Variants in ABCA1 observed in about 807,000 individuals in gnomAD.
The protein encoded by ABCA1 is ATP binding cassette subfamily A member 1.
Under a neutral mutation model 262.5 loss-of-function variants are expected in ABCA1, and 133 were observed. The observed-to-expected ratio is 0.51, with a 90% CI of 0.44 to 0.59. ABCA1 has a LOEUF of 0.59. ABCA1 is among the 20% of genes least tolerant of loss of function. The pLI is 0.00. For synonymous variants in ABCA1, 1,022 were observed against 1,043.5 expected, an observed-to-expected ratio of 0.98 and a Z score of 0.40; for missense variants, 2,452 against 2,777.5, an observed-to-expected ratio of 0.88 and a Z score of 2.63.
intron 29 of ABCA1, among the ~76,000 whole-genome samples, chr9:104,810,146 A>G (rs1163845315): frequency 1.9e-5 from 2 of 105,346 alleles, no homozygotes; most frequent in Admixed American, 1.6e-4. Flanking sequence ...CATTACATAT[A>G]TATATATATA....
At chr9:104,893,650 C>G (rs1477168644) in intron 2 of ABCA1, among the ~76,000 whole-genome samples, 1 of 152,004 alleles carries the variant, frequency 6.6e-6, no homozygotes, top group Non-Finnish European at 1.5e-5. Flanking sequence ...CTCAGGACAA[C>G]CCTGTGAGAT....
chr9:104,801,875 C>T (rs1014526392), intron 34 of ABCA1, among the ~76,000 whole-genome samples, 179 bp downstream of exon 34: 4 of 152,198 alleles, frequency 2.6e-5, no homozygotes, highest in African/African-American at 9.7e-5. Flanking sequence ...CACTTTTAAA[C>T]GTACAACTAA....
chr9:104,835,052 A>G (rs1833689139), intron 11 of ABCA1, among the ~76,000 whole-genome samples: 1 of 152,124 alleles, frequency 6.6e-6, no homozygotes, highest in Admixed American at 6.5e-5. Flanking sequence ...AGTTCATTCC[A>G]GCCCGACCAA....
chr9:104,816,036 A>T, intron 25 of ABCA1, 107 bp downstream of exon 25: 1 of 1,268,920 alleles, frequency 7.9e-7, no homozygotes. Flanking sequence ...TGACCTAAAA[A>T]CTCAATGACT....
intron 15 of ABCA1, among the ~76,000 whole-genome samples, chr9:104,828,683 C>T (rs1428290887): frequency 6.6e-6 from 1 of 152,194 alleles, no homozygotes; most frequent in Non-Finnish European, 1.5e-5. Flanking sequence ...AAAGCATGAA[C>T]CCTGCACTCT....
chr9:104,855,197 T>A, intron 7 of ABCA1: 1 of 981,792 alleles, frequency 1.0e-6, no homozygotes, highest in Non-Finnish European at 1.2e-6. Flanking sequence ...AAAACTTCTA[T>A]CTTTTTTTTC....
At position 104,826,821 on chromosome 9, in the gene ABCA1, A is replaced by G. The variant is rs1391578099; in HGVS notation, c.2337+127T>C. 9.1e-6 allele frequency: 8 copies of G among 874,936 alleles called. No homozygotes were observed. The Admixed American group carries it at 1.6e-4, about 17-fold the overall frequency. 54.2% of individuals were successfully genotyped at this position (874,936 alleles called of 1,614,324 possible). On this transcript the variant is annotated intron_variant, in intron 16 of 49. Coordinates refer to ENST00000374736, the MANE Select transcript of ABCA1 (RefSeq NM_005502.4). ...CTTACCCTTAAAGAGCTTAGAATCTAGAGCTAAGGTTCATGTCCCATTGGA... is the reference window on the plus strand; with the variant it reads ...CTTACCCTTAAAGAGCTTAGAATCTGGAGCTAAGGTTCATGTCCCATTGGA...
intron 33 of ABCA1, among the ~76,000 whole-genome samples, chr9:104,802,734 T>C (rs1413212485): frequency 6.6e-6 from 1 of 152,218 alleles, no homozygotes; most frequent in African/African-American, 2.4e-5. Context: ...ATGGACAAAC[T>C]GGCTTCAAGA....
chr9:104,858,464 G>C, intron 7 of ABCA1, 58 bp downstream of exon 7: 7 of 1,549,790 alleles, frequency 4.5e-6, no homozygotes, highest in Non-Finnish European at 6.2e-6. Flanking sequence ...CCAAGGAAAA[G>C]CCTCACATTC....
At chr9:104,902,472 T>C (rs569646232) in intron 2 of ABCA1, among the ~76,000 whole-genome samples, 31 of 152,204 alleles carry the variant, frequency 2.0e-4, no homozygotes, top group Non-Finnish European at 2.9e-4. Context: ...AACTTATAAT[T>C]TGGTTTCAGT....
rs1839480494 is a variant in ABCA1 at position 104,889,169 on chromosome 9, C to A, written c.93G>T (p.Trp31Cys). The part of the protein sequence containing the change: ...QTCQLLLEVA[W>C]PLFIFLILIS... ...TCAGGATCAGGAAGATAAATAGAGG[C>A]CAGGCCACTTCCAGCAGCAGCTGAC... The change falls in exon 3 of 50, where the codon TGG becomes TGT. Residue 31 changes from tryptophan to cysteine, a missense_variant. By Grantham distance (215) the Trp-to-Cys change is radical. Around this residue, in one of 4 missense-constraint regions of ABCA1, gnomAD observed 1,032 missense variants for 1,089.7 expected, o/e 0.95. Coordinates refer to ENST00000374736, the MANE Select transcript of ABCA1 (RefSeq NM_005502.4). 6.2e-7 allele frequency: 1 copy of A among 1,613,990 alleles called. No individual in the cohort carries two copies. The highest frequency in any genetic ancestry group is 1.7e-5 in the Admixed American group (1 of 59,996).
At chr9:104,847,334 G>A (rs931397941) in intron 7 of ABCA1, among the ~76,000 whole-genome samples, 4 of 152,048 alleles carry the variant, frequency 2.6e-5, no homozygotes, top group African/African-American at 7.3e-5. Flanking sequence ...CCATTTTCTC[G>A]ACTATGCAGC....
In ABCA1 at chr9:104,786,899, C is replaced by T; in HGVS notation, c.6282G>A (p.Gly2094=). The T allele has an allele frequency of 3.1e-6, 5 of 1,614,036 alleles. No individual in the cohort carries two copies. Among genetic ancestry groups the T allele is most frequent in the Non-Finnish European group, 4.2e-6 (5 of 1,179,948 alleles). The change falls in exon 47 of 50, where the codon GGG becomes GGA. Residue 2094 remains glycine, a synonymous_variant. Transcript: ENST00000374736. The part of the protein sequence containing the change: ...WNCALSVVKE[G]RSVVLTSHSM... ...TATGAGATGTAAGCACTACTGATCT[C>T]CCCTCCTTGACAACACTTAGGGCAC...
chr9:104,806,208 C>A (rs774263034), intron 31 of ABCA1, 33 bp downstream of exon 31: 1 of 1,608,518 alleles, frequency 6.2e-7, no homozygotes. Context: ...TCCTGCACCC[C>A]TTCTGCCCAA....
chr9:104,812,665 T>C lies in ABCA1; in HGVS notation c.3959A>G (p.Lys1320Arg). 6.2e-7 allele frequency: 1 copy of C among 1,614,240 alleles called. No homozygotes were observed. The highest frequency in any genetic ancestry group is 8.5e-7 in the Non-Finnish European group (1 of 1,180,042). ...GMDGKGSYQV[K>R]GWKLTQQQFV... is the part of the protein sequence containing the mutation. ...CTGTTGCTGTGTAAGTTTCCAGCCT[T>C]TCACCTGGTAGGACCCTTTGCCATC... The change falls in exon 28 of 50, where the codon AAA becomes AGA. Residue 1320 changes from lysine to arginine, a missense_variant. Lys to Arg is a conservative substitution (Grantham distance 26). Transcript: ENST00000374736.
chr9:104,861,563 C>T, intron 6 of ABCA1, 116 bp downstream of exon 6: 1 of 1,434,946 alleles, frequency 7.0e-7, no homozygotes, highest in Non-Finnish European at 9.8e-7. Flanking sequence ...TGTATTCAAA[C>T]TACCTCCCTC....
chr9:104,795,504 G>A (rs369852731), intron 39 of ABCA1, among the ~76,000 whole-genome samples: 18 of 152,212 alleles, frequency 1.2e-4, no homozygotes, highest in Admixed American at 2.6e-4. Context: ...TTGGGCAACC[G>A]AGTGGATGGT....
At chr9:104,893,145 G>A (rs10125482) in intron 2 of ABCA1, among the ~76,000 whole-genome samples, 10 of 151,954 alleles carry the variant, frequency 6.6e-5, no homozygotes, top group East Asian at 3.9e-4. Context: ...TTATGAGGCC[G>A]GGCGTGGTGG....
intron 3 of ABCA1, among the ~76,000 whole-genome samples, chr9:104,885,841 G>A (rs370307141): frequency 1.3e-5 from 2 of 152,150 alleles, no homozygotes; most frequent in African/African-American, 4.8e-5. Flanking sequence ...GACCCCAAAA[G>A]AGTTCACAGT....
Sources: gnomAD v4.1 joint callset for allele counts (sites outside exome capture counted in the v4.1 genomes callset) on GRCh38, gnomAD v4.1.1 for gene constraint, gnomAD v4.1.1 regional missense constraint, MANE v1.5 for transcripts, NCBI Gene and HGNC (gene_info 2026-07-23, HGNC 2026-07-21) for gene names.